Variants in SLC25A12 observed in about 807,000 individuals in gnomAD.
SLC25A12 encodes the protein electrogenic aspartate/glutamate antiporter SLC25A12, mitochondrial.
SLC25A12 carries 32 observed loss-of-function variants against 83.3 expected under a neutral mutation model. The observed-to-expected ratio is 0.38, with a 90% CI of 0.29 to 0.52. The LOEUF is 0.52. Among genes scored for constraint, SLC25A12 ranks in the 20% least tolerant of loss-of-function variants. The pLI is 0.84. For missense variants in SLC25A12, 611 were observed against 835.6 expected (o/e 0.73, Z 3.31); for synonymous variants, 267 against 291.1 (o/e 0.92, Z 0.84).
chr2:171,795,783 C>A (rs1683583856), intron 13 of SLC25A12, among the ~76,000 whole-genome samples: 1 of 150,970 alleles, frequency 6.6e-6, no homozygotes, highest in Admixed American at 6.6e-5. Flanking sequence ...CCCACCCCCA[C>A]CCCACAGCTG....
intron 4 of SLC25A12, among the ~76,000 whole-genome samples, chr2:171,851,151 C>A (rs1684918636): frequency 1.3e-5 from 2 of 151,614 alleles, no homozygotes; most frequent in Non-Finnish European, 2.9e-5. Flanking sequence ...GTTTCATACT[C>A]ATTTTGTTAG....
At chr2:171,809,428 C>T in intron 13 of SLC25A12, 178 bp downstream of exon 13, 5 of 628,686 alleles carry the variant, frequency 8.0e-6, no homozygotes, top group Non-Finnish European at 1.1e-5. Context: ...CTCTTTTCTA[C>T]ACTCAAAACC....
At chr2:171,890,173 A>T (rs1406671892) in intron 2 of SLC25A12, among the ~76,000 whole-genome samples, 1 of 152,250 alleles carries the variant, frequency 6.6e-6, no homozygotes, top group Admixed American at 6.5e-5. Context: ...GGTGTCTGCT[A>T]CTGAACAGTA....
intron 4 of SLC25A12, chr2:171,845,695 G>T: frequency 2.9e-6 from 1 of 345,944 alleles, no homozygotes. Context: ...CTGGGATAGG[G>T]GAATGTAAGA....
chr2:171,893,589 TA>T (rs1277090816), intron 1 of SLC25A12, among the ~76,000 whole-genome samples: 4 of 152,192 alleles, frequency 2.6e-5, no homozygotes, highest in Non-Finnish European at 1.5e-5. Context: ...ATCAAGAAGC[TA>T]ACAAGAGTAG....
At chr2:171,824,747 G>T (rs1238386648) in intron 9 of SLC25A12, among the ~76,000 whole-genome samples, 1 of 150,840 alleles carries the variant, frequency 6.6e-6, no homozygotes, top group Admixed American at 6.7e-5. Context: ...TAAAATCACT[G>T]AATTGAAATA....
At chr2:171,863,693 A>G (rs1685218813) in intron 3 of SLC25A12, among the ~76,000 whole-genome samples, 2 of 152,242 alleles carry the variant, frequency 1.3e-5, no homozygotes, top group Non-Finnish European at 2.9e-5. Flanking sequence ...ATCAGGTCTT[A>G]GACCAAATTA....
intron 3 of SLC25A12, among the ~76,000 whole-genome samples, chr2:171,858,397 C>T (rs1399408185): frequency 6.6e-6 from 1 of 152,084 alleles, no homozygotes; most frequent in South Asian, 2.1e-4. Flanking sequence ...TTTAAAAAGG[C>T]ATAACATATT....
intron 4 of SLC25A12, among the ~76,000 whole-genome samples, chr2:171,848,479 T>G (rs1481568635): frequency 6.6e-6 from 1 of 151,562 alleles, no homozygotes; most frequent in Non-Finnish European, 1.5e-5. Flanking sequence ...GTCAGAGAGG[T>G]TTTTAGGACT....
chr2:171,827,013 A>T (rs1248073356), intron 8 of SLC25A12, 131 bp from the exon 9 acceptor site: 1 of 669,568 alleles, frequency 1.5e-6, no homozygotes, highest in Non-Finnish European at 2.7e-6. Context: ...ATTTACACAG[A>T]TCATTTTAGT....
At chr2:171,804,749 A>G (rs541428050) in intron 13 of SLC25A12, among the ~76,000 whole-genome samples, 28 of 152,136 alleles carry the variant, frequency 1.8e-4, no homozygotes, top group Non-Finnish European at 3.4e-4. Flanking sequence ...CTCTATGAAA[A>G]ACTTAAAAAT....
chr2:171,798,502 C>T (rs1050558919), intron 13 of SLC25A12, among the ~76,000 whole-genome samples: 13 of 152,158 alleles, frequency 8.5e-5, no homozygotes, highest in Admixed American at 5.9e-4. Context: ...CTTCCCTTAT[C>T]GAGACTGATG....
intron 17 of SLC25A12, among the ~76,000 whole-genome samples, chr2:171,786,709 G>A (rs1690496440): frequency 6.6e-6 from 1 of 152,210 alleles, no homozygotes; most frequent in South Asian, 2.1e-4. Context: ...CTCAGTGCAA[G>A]CTTCAAGTGG....
At position 171,813,279 on chromosome 2, in the gene SLC25A12, A is replaced by C. The variant is rs556844119; in HGVS notation, c.1171+60T>G. ...TATTGGCTTCCATAATTAGTGAGTT[A>C]AAATCTGCTGCTGGTGAGATCAAAT... On this transcript the variant is annotated intron_variant, in intron 11 of 17. Transcript: ENST00000422440. 1.5e-5 allele frequency: 24 copies of C among 1,584,800 alleles called. No homozygotes were observed. In the East Asian group the frequency reaches 4.7e-4, roughly 31 times the overall value.
chr2:171,820,212 C>T (rs1224828783), intron 9 of SLC25A12, among the ~76,000 whole-genome samples: 1 of 152,110 alleles, frequency 6.6e-6, no homozygotes, highest in Non-Finnish European at 1.5e-5. Context: ...CATGTACCCC[C>T]AAACTTAAAA....
At chr2:171,807,899 G>C (rs1683869321) in intron 13 of SLC25A12, among the ~76,000 whole-genome samples, 1 of 152,130 alleles carries the variant, frequency 6.6e-6, no homozygotes, top group South Asian at 2.1e-4. Context: ...CTCTGCAGAG[G>C]ACTCAGGTAT....
chr2:171,830,888 A>C (rs1364372505), intron 8 of SLC25A12, among the ~76,000 whole-genome samples: 2 of 152,198 alleles, frequency 1.3e-5, no homozygotes, highest in Non-Finnish European at 2.9e-5. Context: ...AAAATGTGAG[A>C]TATATAGGGT....
At chr2:171,825,175 G>A (rs1243204461) in intron 9 of SLC25A12, among the ~76,000 whole-genome samples, 1 of 152,160 alleles carries the variant, frequency 6.6e-6, no homozygotes, top group East Asian at 1.9e-4. Flanking sequence ...AAATTGCAAT[G>A]AGTTACAACA....
chr2:171,857,329 C>A (rs1026685736), intron 3 of SLC25A12, among the ~76,000 whole-genome samples: 1 of 152,168 alleles, frequency 6.6e-6, no homozygotes, highest in African/African-American at 2.4e-5. Context: ...CATGATCATG[C>A]TACCGCACTC....
Sources: allele counts gnomAD v4.1 joint callset (sites outside exome capture counted in the v4.1 genomes callset), GRCh38; gene constraint gnomAD v4.1.1; transcripts MANE v1.5; gene names NCBI Gene and HGNC (gene_info 2026-07-23, HGNC 2026-07-21).